The following TFB1M variants were observed in gnomAD, a reference collection of about 807,000 sequenced individuals.
TFB1M encodes dimethyladenosine transferase 1, mitochondrial.
TFB1M carries 27 observed loss-of-function variants against 31.1 expected under a neutral mutation model. The ratio of observed to expected loss-of-function variants is 0.87; its 90% CI spans 0.64 to 1.20. The LOEUF is 1.20. TFB1M is among the 50% of genes most tolerant of loss of function. TFB1M has a pLI of 0.00. For synonymous variants in TFB1M, 166 were observed against 151.8 expected, an observed-to-expected ratio of 1.09 and a Z score of -0.69; for missense variants, 394 against 418.7, an observed-to-expected ratio of 0.94 and a Z score of 0.51.
chr6:155,279,581 C>T lies in TFB1M; in HGVS notation c.666+5577G>A, dbSNP rs754033117. The stretch of plus-strand genomic sequence containing the variant: ...ATGTGGACAATGTTTTCTCATATGT[C>T]TTTCATCACTATATTGTCAGCTACA... On this transcript the variant is annotated intron_variant, in intron 5 of 6. Coordinates refer to ENST00000367166, the MANE Select transcript of TFB1M (RefSeq NM_016020.4). Among the ~76,000 whole-genome samples, 103 of 152,286 alleles carry T rather than the reference C, an allele frequency of 6.8e-4. No individual in the cohort carries two copies. In the Middle Eastern group the frequency reaches 0.014, roughly 20 times the overall value.
At chr6:155,307,465 C>T (rs1221619788) in intron 2 of TFB1M, among the ~76,000 whole-genome samples, 2 of 151,970 alleles carry the variant, frequency 1.3e-5, no homozygotes, top group African/African-American at 2.4e-5. Flanking sequence ...TTTTTAAAAC[C>T]ATCAGATCTT....
At chr6:155,283,835 G>T (rs1776500022) in intron 5 of TFB1M, among the ~76,000 whole-genome samples, 1 of 152,150 alleles carries the variant, frequency 6.6e-6, no homozygotes, top group African/African-American at 2.4e-5. Flanking sequence ...AAGCTACATG[G>T]TCACTGGTTT....
Position 155,257,252 on chromosome 6 carries a change from A to G in TFB1M, c.*584T>C. 9.9e-7 allele frequency: 1 copy of G among 1,014,202 alleles called. No homozygotes were observed. The highest frequency in any genetic ancestry group is 1.4e-6 in the Non-Finnish European group (1 of 710,934). 62.8% of individuals were successfully genotyped at this position (1,014,202 alleles called of 1,614,324 possible). On this transcript the variant is annotated 3_prime_UTR_variant, in exon 7 of 7. Coordinates refer to ENST00000367166, the MANE Select transcript of TFB1M (RefSeq NM_016020.4). ...TTTTGTGCAGTATACATTTTCCCAC[A>G]AAATGGTTGTAAAGATTTAAGTTAT...
chr6:155,312,381 A>G (rs1259833377), intron 1 of TFB1M, among the ~76,000 whole-genome samples: 1 of 152,160 alleles, frequency 6.6e-6, no homozygotes, highest in Non-Finnish European at 1.5e-5. Context: ...TCCTATCCCA[A>G]TTTCATTTCT....
the TFB1M span, chr6:155,247,937 G>T: frequency 7.8e-6 from 12 of 1,535,416 alleles, no homozygotes; most frequent in African/African-American, 1.4e-5. Flanking sequence ...TGTTAAAAGA[G>T]AAATGAAGAA....
the TFB1M span, chr6:155,249,735 C>CATG: frequency 1.3e-6 from 1 of 745,116 alleles, no homozygotes; most frequent in Non-Finnish European, 2.1e-6. Context: ...AATGCTCCTG[C>CATG]TAGTGGGTAC....
intron 5 of TFB1M, among the ~76,000 whole-genome samples, chr6:155,281,207 C>T: frequency 6.6e-6 from 1 of 152,164 alleles, no homozygotes; most frequent in Admixed American, 6.5e-5. Flanking sequence ...TATTTCTATT[C>T]CTCACAAATG....
the TFB1M span, among the ~76,000 whole-genome samples, chr6:155,240,959 C>A: frequency 6.6e-5 from 10 of 152,246 alleles, no homozygotes; most frequent in Non-Finnish European, 1.5e-4. Context: ...ACTATGGAAA[C>A]AGATGTTCTG....
At chr6:155,240,570 ACAGT>A in the TFB1M span, 2 of 1,614,152 alleles carry the variant, frequency 1.2e-6, no homozygotes, top group East Asian at 2.2e-5. Flanking sequence ...AGTTTTAACG[ACAGT>A]CAGGCCAACG....
intron 5 of TFB1M, among the ~76,000 whole-genome samples, chr6:155,281,595 G>A (rs1283751012): frequency 6.6e-6 from 1 of 151,890 alleles, no homozygotes; most frequent in Non-Finnish European, 1.5e-5. Context: ...GATGGCGGGC[G>A]CCTGTAATCC....
At chr6:155,268,759 C>CAT (rs1366563795) in intron 5 of TFB1M, among the ~76,000 whole-genome samples, 2 of 149,420 alleles carry the variant, frequency 1.3e-5, no homozygotes, top group East Asian at 2.0e-4. Flanking sequence ...AGCATGCTTG[C>CAT]TAAGAGTCAT....
chr6:155,311,958 T>G (rs1778033467), intron 1 of TFB1M, among the ~76,000 whole-genome samples: 1 of 152,196 alleles, frequency 6.6e-6, no homozygotes, highest in Non-Finnish European at 1.5e-5. Flanking sequence ...CACATGCATG[T>G]TAATACAGAA....
At chr6:155,235,771 C>A in the TFB1M span, among the ~76,000 whole-genome samples, 1 of 152,190 alleles carries the variant, frequency 6.6e-6, no homozygotes, top group African/African-American at 2.4e-5. Context: ...TCTCAGCTAA[C>A]ATTCACTTTT....
chr6:155,275,880 G>A (rs1274163588), intron 5 of TFB1M: 4 of 1,614,020 alleles, frequency 2.5e-6, no homozygotes, highest in Non-Finnish European at 3.4e-6. Context: ...TGGATGGACT[G>A]TACGTGGTAC....
intron 1 of TFB1M, among the ~76,000 whole-genome samples, chr6:155,313,922 G>A (rs1341580664): frequency 6.6e-6 from 1 of 152,190 alleles, no homozygotes; most frequent in Non-Finnish European, 1.5e-5. Context: ...ACTTTAAACT[G>A]CATGTAAAGC....
In TFB1M at chr6:155,257,268, T is replaced by TTTAAG. The variant is rs1293987170; in HGVS notation, c.*563_*567dup. The TTTAAG allele has an allele frequency of 8.0e-6, 7 of 878,584 alleles. No homozygotes were observed. Among genetic ancestry groups the TTTAAG allele is most frequent in the South Asian group, 3.7e-5 (2 of 54,624 alleles). 54.4% of individuals were successfully genotyped at this position (878,584 alleles called of 1,614,324 possible). ...TTTTCCCACAAAATGGTTGTAAAGA[T>TTTAAG]TTAAGTTATTTTAATTTATTGTGGA... is the stretch of plus-strand genomic sequence containing the variant. On this transcript the variant is annotated 3_prime_UTR_variant, in exon 7 of 7. Transcript: ENST00000367166.
chr6:155,286,960 A>G (rs1776687640), intron 4 of TFB1M, among the ~76,000 whole-genome samples: 1 of 152,284 alleles, frequency 6.6e-6, no homozygotes, highest in South Asian at 2.1e-4. Context: ...CTGTACATCA[A>G]TAATCATAAG....
chr6:155,275,181 G>A (rs1422137341), intron 5 of TFB1M, among the ~76,000 whole-genome samples: 4 of 152,068 alleles, frequency 2.6e-5, no homozygotes, highest in East Asian at 1.9e-4. Context: ...AGCCAAGATC[G>A]CTCCACTGCA....
chr6:155,259,977 T>C (rs1278368955), intron 6 of TFB1M, among the ~76,000 whole-genome samples: 2 of 152,238 alleles, frequency 1.3e-5, no homozygotes, highest in African/African-American at 4.8e-5. Flanking sequence ...AAACCCATTA[T>C]TATCTGTCTT....
Sources: gnomAD v4.1 joint callset for allele counts (sites outside exome capture counted in the v4.1 genomes callset) on GRCh38, gnomAD v4.1.1 for gene constraint, MANE v1.5 for transcripts, NCBI Gene and HGNC (gene_info 2026-07-23, HGNC 2026-07-21) for gene names.